Variants in CCL25 observed in about 807,000 individuals in gnomAD.
CCL25 encodes C-C motif chemokine 25.
CCL25 carries 14 observed loss-of-function variants against 19.9 expected under a neutral mutation model. The ratio of observed to expected loss-of-function variants is 0.70; its 90% CI spans 0.47 to 1.10. The LOEUF (loss-of-function observed/expected upper bound fraction) is 1.10. CCL25 is among the 50% of genes least tolerant of loss of function. The probability of loss-of-function intolerance (pLI) is 0.00; values close to 1 mark genes in which losing one functional copy is unlikely to be tolerated. For missense variants in CCL25, 151 were observed against 181.2 expected (o/e 0.83, Z 0.96); for synonymous variants, 68 against 73.2 (o/e 0.93, Z 0.36).
At chr19:8,060,485 C>T (rs78275197) in intron 5 of CCL25, among the ~76,000 whole-genome samples, 2,667 of 152,234 alleles carry the variant, frequency 0.018, 91 homozygotes, top group African/African-American at 0.06. Context: ...CTCCCACACA[C>T]GGATATGGTC....
At chr19:8,056,906 C>T (rs2081276418) in intron 4 of CCL25, among the ~76,000 whole-genome samples, 1 of 152,082 alleles carries the variant, frequency 6.6e-6, no homozygotes. Context: ...GCAATGGCGC[C>T]ATCACAGCTC....
chr19:8,053,459 G>C (rs896095861), intron 2 of CCL25, among the ~76,000 whole-genome samples: 2 of 152,052 alleles, frequency 1.3e-5, no homozygotes, highest in South Asian at 2.1e-4. Context: ...GGGTGGGGTT[G>C]GAGATCAGGG....
chr19:8,062,435 TGCCGCTCCGGGGACCA>T lies in CCL25; in HGVS notation c.*213_*228del. On this transcript the variant is annotated 3_prime_UTR_variant, in exon 6 of 6. Transcript: ENST00000315626. ...GGAGTTGGCCTGATTTTAAGCCTTT[TGCCGCTCCGGGGACCA>T]GCAGCAATCCTGGGCAGCCAGTGGC... 1 of 577,672 alleles carries T rather than the reference TGCCGCTCCGGGGACCA, an allele frequency of 1.7e-6. No individual in the cohort carries two copies. The highest frequency in any genetic ancestry group is 2.1e-5 in the South Asian group (1 of 47,394). 35.8% of individuals were successfully genotyped at this position (577,672 alleles called of 1,614,324 possible).
intron 2 of CCL25, among the ~76,000 whole-genome samples, chr19:8,054,635 TC>T (rs1341200703): frequency 4.6e-5 from 7 of 151,804 alleles, no homozygotes; most frequent in African/African-American, 1.2e-4. Flanking sequence ...CACCTGCTCA[TC>T]CCCCCAGAAC....
At chr19:8,054,848 T>G (rs1014231784) in intron 2 of CCL25, among the ~76,000 whole-genome samples, 1 of 151,800 alleles carries the variant, frequency 6.6e-6, no homozygotes, top group African/African-American at 2.4e-5. Context: ...GTTTGTTTGG[T>G]TGGTGTTTTG....
chr19:8,056,375 C>T lies in CCL25; in HGVS notation c.201C>T (p.Leu67=), dbSNP rs759837720. 7.4e-6 allele frequency: 12 copies of T among 1,613,154 alleles called. No homozygotes were observed. Among genetic ancestry groups the T allele is most frequent in the African/African-American group, 1.3e-5 (1 of 74,906 alleles). ...CCTCTGCTCACCACAGATTCTACCT[C>T]CCCAAGAGACACAGGAAGGTGTGTG... ...SCNLPAAIFY[L]PKRHRKVCGN... The change falls in exon 4 of 6, where the codon CTC becomes CTT. Residue 67 remains leucine (L), a synonymous_variant. Transcript: ENST00000315626.
intron 2 of CCL25, 137 bp downstream of exon 2, chr19:8,053,259 CTCCTGGTGTTT>C: frequency 1.9e-6 from 1 of 534,376 alleles, no homozygotes; most frequent in Non-Finnish European, 3.2e-6. Flanking sequence ...CATGCAGGAA[CTCCTGGTGTTT>C]GGTTAGCTCT....
chr19:8,060,667 A>T (rs2145299438), intron 5 of CCL25, among the ~76,000 whole-genome samples: 1 of 148,664 alleles, frequency 6.7e-6, no homozygotes, highest in South Asian at 2.1e-4. Flanking sequence ...GCAGGCCAGT[A>T]CCCTCAGCTT....
chr19:8,056,209 G>A lies in CCL25; in HGVS notation c.131G>A (p.Arg44Gln), dbSNP rs767489110. 1.1e-5 allele frequency: 18 copies of A among 1,571,948 alleles called. No individual in the cohort carries two copies. The highest frequency in any genetic ancestry group is 5.9e-5 in the South Asian group (5 of 84,414). ...TACCCCATTGGGTGGGCTGTGCTCC[G>A]GCGCGCCTGGACTTACCGGATCCAG... Reference protein sequence around the residue: ...YHYPIGWAVLRRAWTYRIQEV... With the variant: ...YHYPIGWAVLQRAWTYRIQEV... Residue 44 changes from arginine to glutamine, a missense_variant, in exon 3 of 6, where the codon CGG (arginine) becomes CAG (glutamine). Physicochemically the swap from Arg to Gln is conservative, Grantham distance 43. Transcript: ENST00000315626.
At chr19:8,059,138 TTATATAATA>T (rs1568336017) in intron 5 of CCL25, among the ~76,000 whole-genome samples, 1 of 81,530 alleles carries the variant, frequency 1.2e-5, no homozygotes, top group Non-Finnish European at 2.2e-5. Context: ...TAAATATATA[TTATATAATA>T]TATAATATAT....
chr19:8,056,176 C>A lies in CCL25; in HGVS notation c.98C>A (p.Ala33Asp), dbSNP rs2081269808. Residue 33 changes from alanine (A) to aspartate (D), a missense_variant, in exon 3 of 6, where the codon GCC becomes GAC. By Grantham distance (126) the Ala-to-Asp change is moderately radical. Coordinates refer to ENST00000315626, the MANE Select transcript of CCL25 (RefSeq NM_005624.4). The part of the protein sequence containing the change: ...TQGVFEDCCL[A>D]YHYPIGWAVL... ...GGTGTCTTTGAGGACTGCTGCCTGG[C>A]CTACCACTACCCCATTGGGTGGGCT... 2 of 1,552,178 alleles carry A rather than the reference C, an allele frequency of 1.3e-6. No homozygotes were observed. The highest frequency in any genetic ancestry group is 1.7e-6 in the Non-Finnish European group (2 of 1,150,764).
At chr19:8,052,759 T>A (rs772104605), upstream of CCL25, 178 of 402,172 alleles carry the variant, frequency 4.4e-4, no homozygotes, top group Non-Finnish European at 7.1e-4. Context: ...GTGTTGGTCC[T>A]GCAGATGGGA....
Position 8,054,915 on chromosome 19 carries a change from G to A in CCL25, c.74-1237G>A, listed in dbSNP as rs529966843. On this transcript the variant is annotated intron_variant, in intron 2 of 5. Transcript: ENST00000315626. ...GTCGCCCAGGCTGGAGTGCAATGGC[G>A]TGATCTCGGCTCACTGCAACCTCCA... Among the ~76,000 whole-genome samples the A allele has an allele frequency of 3.3e-5, 5 of 151,540 alleles. No homozygotes were observed. In the East Asian group the frequency reaches 8.1e-4, roughly 24 times the overall value.
At position 8,055,524 on chromosome 19, in the gene CCL25, C is replaced by T. The variant is rs376624675; in HGVS notation, c.74-628C>T. Among the ~76,000 whole-genome samples the T allele has an allele frequency of 2.9e-3, 443 of 151,778 alleles. 1 individual carries two copies. The highest frequency in any genetic ancestry group is 9.0e-3 in the African/African-American group (375 of 41,440). On this transcript the variant is annotated intron_variant, in intron 2 of 5. Coordinates refer to ENST00000315626, the MANE Select transcript of CCL25 (RefSeq NM_005624.4). Reference sequence around the variant, plus strand: ...CTAATTTTTATATTTTTAGTAGAGACGGGGTTTCACCGTGTTAGCCAGGAT... The same window carrying T: ...CTAATTTTTATATTTTTAGTAGAGATGGGGTTTCACCGTGTTAGCCAGGAT...
At chr19:8,061,282 C>T (rs973804353) in intron 5 of CCL25, among the ~76,000 whole-genome samples, 10 of 152,086 alleles carry the variant, frequency 6.6e-5, no homozygotes, top group African/African-American at 2.4e-4. Flanking sequence ...AGCCACCACG[C>T]CTGGCCTTCA....
chr19:8,053,061 G>A lies in CCL25; in HGVS notation c.12G>A (p.Trp4Ter). The stretch of plus-strand genomic sequence containing the variant: ...GACCCGCCTGCAGCATGAACCTGTG[G>A]CTCCTGGCCTGCCTGGTGGCCGGCT... MNL[W>*]LLACLVAGFL... Residue 4 changes from tryptophan to a stop codon, truncating the protein, a stop_gained, in exon 2 of 6, where the codon TGG becomes TGA. Transcript: ENST00000315626. LOFTEE classifies it high-confidence loss of function. 6.4e-7 allele frequency: 1 copy of A among 1,551,914 alleles called. No individual in the cohort carries two copies. The highest frequency in any genetic ancestry group is 8.7e-7 in the Non-Finnish European group (1 of 1,147,906).
At chr19:8,055,538 G>A (rs369174302) in intron 2 of CCL25, among the ~76,000 whole-genome samples, 1 of 151,532 alleles carries the variant, frequency 6.6e-6, no homozygotes, top group African/African-American at 2.4e-5. Context: ...GTTTCACCGT[G>A]TTAGCCAGGA....
At chr19:8,059,121 A>T (rs2081298764) in intron 5 of CCL25, among the ~76,000 whole-genome samples, 1 of 112,220 alleles carries the variant, frequency 8.9e-6, no homozygotes, top group Admixed American at 1.3e-4. Flanking sequence ...TAATATATAA[A>T]TATATATAAA....
chr19:8,056,671 T>A (rs1368752258), intron 4 of CCL25, among the ~76,000 whole-genome samples, 172 bp downstream of exon 4: 1 of 152,222 alleles, frequency 6.6e-6, no homozygotes, highest in Non-Finnish European at 1.5e-5. Flanking sequence ...ACCAACTGAT[T>A]GAGTCATTGT....
Sources: gnomAD v4.1 joint callset for allele counts (sites outside exome capture counted in the v4.1 genomes callset) on GRCh38, gnomAD v4.1.1 for gene constraint, MANE v1.5 for transcripts, NCBI Gene and HGNC (gene_info 2026-07-23, HGNC 2026-07-21) for gene names.